Variants in KCTD19 observed in about 807,000 individuals in gnomAD.
KCTD19 encodes BTB/POZ domain-containing protein KCTD19.
KCTD19 carries 67 observed loss-of-function variants against 103.5 expected under a neutral mutation model. The observed-to-expected ratio is 0.65, with a 90% CI of 0.53 to 0.79. KCTD19 has a LOEUF of 0.79. Ranked by LOEUF, KCTD19 falls within the 30% of genes least tolerant of loss-of-function variation. KCTD19 has a pLI of 0.00. For synonymous variants in KCTD19, 439 were observed against 452.2 expected (o/e 0.97, Z 0.37); for missense variants, 980 against 1,136.1 (o/e 0.86, Z 1.98).
Position 67,294,264 on chromosome 16 carries a change from A to G in KCTD19, c.1591-93T>C, listed in dbSNP as rs1383420111. On this transcript the variant is annotated intron_variant, in intron 11 of 15. Coordinates refer to ENST00000304372, the MANE Select transcript of KCTD19 (RefSeq NM_001100915.3). The stretch of plus-strand genomic sequence containing the variant: ...TAATAAGCTGGGCCTCCAAGACTTC[A>G]CTTGCTCTCCCTGAACAATCCCATC... 44 of 1,313,272 alleles carry G rather than the reference A, an allele frequency of 3.4e-5. 1 individual carries two copies. The highest frequency in any genetic ancestry group is 4.6e-5 in the Non-Finnish European group (44 of 950,182). The allele number at this position is 1,313,272 out of a possible 1,614,324, so 81.4% of individuals were successfully genotyped here.
chr16:67,313,231 T>C (rs990858903), intron 2 of KCTD19, among the ~76,000 whole-genome samples: 1 of 151,820 alleles, frequency 6.6e-6, no homozygotes, highest in Admixed American at 6.6e-5. Flanking sequence ...CATCTCAGCC[T>C]CCCCGAGTAG....
At chr16:67,325,191 C>CTT (rs1567456732) in intron 1 of KCTD19, among the ~76,000 whole-genome samples, 2 of 128,136 alleles carry the variant, frequency 1.6e-5, no homozygotes, top group African/African-American at 3.0e-5. Context: ...TCTTTTTTTT[C>CTT]TTTTTTTCTT....
At chr16:67,301,766 G>A (rs747929721) in intron 5 of KCTD19, 25 bp downstream of exon 5, 46 of 1,611,516 alleles carry the variant, frequency 2.9e-5, no homozygotes, top group Non-Finnish European at 3.6e-5. Flanking sequence ...TGTCGAGGGG[G>A]AGCCAAGGTT....
chr16:67,297,599 C>A lies in KCTD19; in HGVS notation c.1051G>T (p.Ala351Ser), dbSNP rs1332179985. 4.3e-6 allele frequency: 7 copies of A among 1,613,976 alleles called. No individual in the cohort carries two copies. The highest frequency in any genetic ancestry group is 5.9e-6 in the Non-Finnish European group (7 of 1,180,022). ...GTGATGTCCCTTTTGTCTAGGAAGGCACAGAGCTCATATACCTCGGAAATG... is the reference window on the plus strand; with the variant it reads ...GTGATGTCCCTTTTGTCTAGGAAGGAACAGAGCTCATATACCTCGGAAATG... ...ETISEVYELC[A>S]FLDKRDITYE... Residue 351 changes from alanine (A) to serine (S), a missense_variant, in exon 7 of 16, where the codon GCC becomes TCC. By Grantham distance (99) the Ala-to-Ser change is moderately conservative (BLOSUM62 1). Transcript: ENST00000304372.
chr16:67,322,536 G>A (rs2037086860), intron 1 of KCTD19, among the ~76,000 whole-genome samples: 1 of 152,124 alleles, frequency 6.6e-6, no homozygotes, highest in Admixed American at 6.5e-5. Context: ...CTGACCTCGT[G>A]ATCCACCTGC....
intron 1 of KCTD19, chr16:67,321,744 G>A (rs1328516222): frequency 2.6e-5 from 4 of 152,194 alleles, no homozygotes; most frequent in African/African-American, 9.6e-5. Flanking sequence ...CTCCTACAAC[G>A]GATCTTAAGA....
At chr16:67,326,531 C>A (rs1030268001) in intron 1 of KCTD19, 174 bp downstream of exon 1, 1 of 766,250 alleles carries the variant, frequency 1.3e-6, no homozygotes, top group East Asian at 3.4e-5. Context: ...CAAGACAGAG[C>A]GTTATTCTAA....
In KCTD19 at chr16:67,289,443, C is replaced by T. The variant is rs989996999; in HGVS notation, c.*126G>A. On this transcript the variant is annotated 3_prime_UTR_variant, in exon 16 of 16. Coordinates refer to ENST00000304372, the MANE Select transcript of KCTD19 (RefSeq NM_001100915.3). ...CTAGGTCTTTGATGTGTGATTTAAT[C>T]TTTTATTTGTTTATAATAAAAAATA... 1.8e-6 allele frequency: 1 copy of T among 556,914 alleles called. No individual in the cohort carries two copies. Among genetic ancestry groups the T allele is most frequent in the African/African-American group, 1.9e-5 (1 of 52,450 alleles). The allele number at this position is 556,914 out of a possible 1,614,324, so 34.5% of individuals were successfully genotyped here. A position where few individuals can be genotyped will look rare whatever the true frequency, so the allele number is the denominator to read the frequency against.
At chr16:67,305,659 T>A in intron 2 of KCTD19, 1 of 453,480 alleles carries the variant, frequency 2.2e-6, no homozygotes. Flanking sequence ...CCCTTTTTTT[T>A]TCTGTCTTTA....
chr16:67,314,857 A>AGAG (rs2036991532), intron 2 of KCTD19, among the ~76,000 whole-genome samples: 1 of 143,288 alleles, frequency 7.0e-6, no homozygotes, highest in East Asian at 2.0e-4. Context: ...AGAGAGAGAG[A>AGAG]GAGAGAGAGA....
chr16:67,295,467 A>G, intron 8 of KCTD19, 62 bp from the exon 9 acceptor site: 2 of 1,500,614 alleles, frequency 1.3e-6, no homozygotes, highest in East Asian at 4.6e-5. Context: ...GGGGCAGGTC[A>G]ATCTTCTCTC....
intron 1 of KCTD19, 143 bp downstream of exon 1, chr16:67,326,562 A>G: frequency 8.9e-7 from 1 of 1,129,252 alleles, no homozygotes; most frequent in Non-Finnish European, 1.2e-6. Context: ...CCAGCCCCCC[A>G]AATCCTTCCC....
chr16:67,291,751 C>T lies in KCTD19; in HGVS notation c.2305G>A (p.Val769Met). The stretch of plus-strand genomic sequence containing the variant: ...AACATGCAGAAGCCATCGCTGCCCA[C>T]CACGGGGGGGTGAGTCACTTTGAGG... ...VILKVTHPPV[V>M]GSDGFCMFFE... The change falls in exon 13 of 16, where the codon GTG (valine) becomes ATG (methionine). Residue 769 changes from valine to methionine, a missense_variant. Val to Met is a conservative substitution (Grantham distance 21). Coordinates refer to ENST00000304372, the MANE Select transcript of KCTD19 (RefSeq NM_001100915.3). The T allele has an allele frequency of 6.2e-7, 1 of 1,614,148 alleles. No individual in the cohort carries two copies. Among genetic ancestry groups the T allele is most frequent in the East Asian group, 2.2e-5 (1 of 44,876 alleles).
In KCTD19 at chr16:67,320,245, G is replaced by A. The variant is rs2037057241; in HGVS notation, c.300+344C>T. Among the ~76,000 whole-genome samples the A allele has an allele frequency of 6.6e-6, 1 of 152,182 alleles. No individual in the cohort carries two copies. Among genetic ancestry groups the A allele is most frequent in the East Asian group, 1.9e-4 (1 of 5,194 alleles). ...GGTCAACATGGAAAGGATTGGCCGG[G>A]CATGGTGGCATGCACCTGTGTTCCC... is the stretch of plus-strand genomic sequence containing the variant. On this transcript the variant is annotated intron_variant, in intron 2 of 15. Coordinates refer to ENST00000304372, the MANE Select transcript of KCTD19 (RefSeq NM_001100915.3). This position sits in a 1 kb window ranked among gnomAD's most constrained non-coding sequence, Gnocchi z 4.0.
chr16:67,318,905 A>G (rs1444584109), intron 2 of KCTD19, among the ~76,000 whole-genome samples: 1 of 152,120 alleles, frequency 6.6e-6, no homozygotes, highest in Non-Finnish European at 1.5e-5. Flanking sequence ...AAAAAAAAAT[A>G]CAACAACTTG....
In KCTD19 at chr16:67,303,108, C is replaced by CTGGGGGGGGGGGGGGGG; in HGVS notation, c.643+37_643+38insCCCCCCCCCCCCCCCCA. 5 of 798,078 alleles carry CTGGGGGGGGGGGGGGGG rather than the reference C, an allele frequency of 6.3e-6. No individual in the cohort carries two copies. The highest frequency in any genetic ancestry group is 1.0e-5 in the Non-Finnish European group (5 of 476,660). 49.4% of individuals were successfully genotyped at this position (798,078 alleles called of 1,614,324 possible). On this transcript the variant is annotated intron_variant, in intron 4 of 15. Transcript: ENST00000304372. This position sits in a 1 kb window ranked among gnomAD's most constrained non-coding sequence, Gnocchi z 4.3. ...ATGGGGAGGGGTGAATGGGCCCTAT[C>CTGGGGGGGGGGGGGGGG]AGCCCGCCCCCCACCCCACCCCGGA...
chr16:67,297,445 C>T, intron 7 of KCTD19, 58 bp downstream of exon 7: 1 of 1,532,800 alleles, frequency 6.5e-7, no homozygotes, highest in Non-Finnish European at 9.0e-7. Flanking sequence ...TCTATTCCCT[C>T]CAATCTCCCA....
intron 2 of KCTD19, among the ~76,000 whole-genome samples, chr16:67,313,733 C>T (rs1412194973): frequency 2.0e-5 from 3 of 152,214 alleles, no homozygotes; most frequent in Non-Finnish European, 2.9e-5. Context: ...GGATTACAGG[C>T]GCATGCCACC....
intron 2 of KCTD19, 33 bp from the exon 3 acceptor site, chr16:67,304,604 T>G (rs762347359): frequency 1.3e-6 from 2 of 1,582,018 alleles, no homozygotes; most frequent in Non-Finnish European, 8.7e-7. Context: ...ATCTTGAGAA[T>G]CTAAACCAAG....
Sources: gnomAD v4.1 joint callset for allele counts (sites outside exome capture counted in the v4.1 genomes callset) on GRCh38, gnomAD v4.1.1 for gene constraint, Gnocchi (gnomAD v3.1) non-coding constraint, MANE v1.5 for transcripts, NCBI Gene and HGNC (gene_info 2026-07-23, HGNC 2026-07-21) for gene names.